Variants in CIBAR1 observed in about 807,000 individuals in gnomAD.
CIBAR1 encodes the protein CBY1-interacting BAR domain-containing protein 1.
CIBAR1 carries 25 observed loss-of-function variants against 44.0 expected under a neutral mutation model. The observed-to-expected ratio is 0.57, with a 90% confidence interval of 0.41 to 0.79. The LOEUF is 0.79. Among genes scored for constraint, CIBAR1 ranks in the 30% least tolerant of loss-of-function variants. The pLI, the probability that CIBAR1 is intolerant of heterozygous loss-of-function variation, is 0.00. For synonymous variants in CIBAR1, 115 were observed against 119.0 expected, an observed-to-expected ratio of 0.97 and a Z score of 0.22; for missense variants, 278 against 344.8, an observed-to-expected ratio of 0.81 and a Z score of 1.53.
chr8:93,729,142 A>G lies in CIBAR1; in HGVS notation c.*845A>G, dbSNP rs190501784. ...TTTTGGTAAGGAATACTTTTATTTC[A>G]TGGATCCCAGGCAGGCATATAAAAG... On this transcript the variant is annotated 3_prime_UTR_variant, in exon 9 of 9. Transcript: ENST00000518322. 8 of 152,250 alleles carry G rather than the reference A, an allele frequency of 5.3e-5. No individual in the cohort carries two copies. In the East Asian group the frequency reaches 1.5e-3, roughly 29 times the overall value. The allele number at this position is 152,250 out of a possible 1,614,324, so 9.4% of individuals were successfully genotyped here.
intron 6 of CIBAR1, among the ~76,000 whole-genome samples, chr8:93,713,361 T>C (rs946987640): frequency 2.0e-5 from 3 of 152,130 alleles, no homozygotes; most frequent in African/African-American, 7.2e-5. Context: ...CTGGATTGTC[T>C]TATTTCTGAG....
chr8:93,718,764 C>A lies in CIBAR1; in HGVS notation c.633C>A (p.Asn211Lys), dbSNP rs898669249. ...CTGCTGCCTACCAGAATATACAAAA[C>A]ATTGATGAAGATGAAGATTTAGAGG... ...VYTAAYQNIQ[N>K]IDEDEDLEVF... Residue 211 changes from asparagine (N) to lysine (K), a missense_variant, in exon 7 of 9, where the codon AAC becomes AAA. By Grantham distance (94) the Asn-to-Lys change is moderately conservative. Transcript: ENST00000518322. 2.8e-5 allele frequency: 44 copies of A among 1,557,978 alleles called. No homozygotes were observed. The highest frequency in any genetic ancestry group is 3.8e-5 in the Non-Finnish European group (44 of 1,148,094).
chr8:93,714,034 CA>C (rs1169679001), intron 6 of CIBAR1, among the ~76,000 whole-genome samples: 1 of 152,136 alleles, frequency 6.6e-6, no homozygotes, highest in Non-Finnish European at 1.5e-5. Context: ...AGGATTGTAT[CA>C]AATATGTAGA....
intron 7 of CIBAR1, among the ~76,000 whole-genome samples, chr8:93,723,223 C>T (rs1586290372): frequency 1.3e-5 from 2 of 152,204 alleles, no homozygotes; most frequent in East Asian, 3.9e-4. Context: ...GTCTCGATCT[C>T]CTGACCTCAT....
At position 93,709,725 on chromosome 8, in the gene CIBAR1, C is replaced by T. The variant is rs752494545; in HGVS notation, c.439-46C>T. 40 of 1,521,556 alleles carry T rather than the reference C, an allele frequency of 2.6e-5. No individual in the cohort carries two copies. In the Middle Eastern group the frequency reaches 1.0e-3, roughly 39 times the overall value. 94.3% of individuals were successfully genotyped at this position (1,521,556 alleles called of 1,614,324 possible). ...ACCAGTAGGCTCAATTGAATGAATT[C>T]TCATTTGATTTTTTTTATATCCTTG... On this transcript the variant is annotated intron_variant, in intron 5 of 8. Coordinates refer to ENST00000518322, the MANE Select transcript of CIBAR1 (RefSeq NM_145269.5).
At chr8:93,706,350 AC>A (rs1243642366) in intron 4 of CIBAR1, among the ~76,000 whole-genome samples, 3 of 143,142 alleles carry the variant, frequency 2.1e-5, no homozygotes, top group Non-Finnish European at 4.6e-5. Context: ...AGTCAGACAA[AC>A]CAGAGAATGC....
At position 93,728,243 on chromosome 8, in the gene CIBAR1, A is replaced by T. The variant is rs753920530; in HGVS notation, c.816A>T (p.Glu272Asp). The change falls in exon 9 of 9, where the codon GAA becomes GAT. Residue 272 changes from glutamate (E) to aspartate (D), a missense_variant. Around this residue, in one of 3 missense-constraint regions of CIBAR1, gnomAD observed 93 missense variants for 108.9 expected, o/e 0.85. Transcript: ENST00000518322. ...GACTAAGAAAGGATCAACAAGCAGA[A>T]GATGATGAGGATGACGAGTTAGATG... ...TCRLRKDQQA[E>D]DDEDDELDVT... The T allele has an allele frequency of 5.6e-5, 89 of 1,599,922 alleles. No homozygotes were observed. Among genetic ancestry groups the T allele is most frequent in the African/African-American group, 1.2e-4 (9 of 73,930 alleles).
At chr8:93,726,196 A>G (rs1811488546) in intron 7 of CIBAR1, 198 bp from the exon 8 acceptor site, 1 of 484,724 alleles carries the variant, frequency 2.1e-6, no homozygotes, top group Non-Finnish European at 3.7e-6. Flanking sequence ...ATCATCTTAC[A>G]TAGTTCAAAT....
In CIBAR1 at chr8:93,728,437, T is replaced by C; in HGVS notation, c.*140T>C. 1 of 535,414 alleles carries C rather than the reference T, an allele frequency of 1.9e-6. No homozygotes were observed. Among genetic ancestry groups the C allele is most frequent in the Non-Finnish European group, 3.2e-6 (1 of 308,110 alleles). The allele number at this position is 535,414 out of a possible 1,614,324, so 33.2% of individuals were successfully genotyped here. On this transcript the variant is annotated 3_prime_UTR_variant, in exon 9 of 9. Coordinates refer to ENST00000518322, the MANE Select transcript of CIBAR1 (RefSeq NM_145269.5). ...AAAAATAATTAAAGGAAACTTATGCTGACCAAAAATGAAGGCTTTAAAAAA... is the reference window on the plus strand; with the variant it reads ...AAAAATAATTAAAGGAAACTTATGCCGACCAAAAATGAAGGCTTTAAAAAA...
At chr8:93,712,023 A>G (rs958926084) in intron 6 of CIBAR1, among the ~76,000 whole-genome samples, 10 of 152,186 alleles carry the variant, frequency 6.6e-5, no homozygotes, top group African/African-American at 2.4e-4. Context: ...CCTAAAGAGG[A>G]AAGTCTCTTG....
chr8:93,701,871 G>A (rs1335170188), intron 2 of CIBAR1: 2 of 218,964 alleles, frequency 9.1e-6, no homozygotes, highest in Non-Finnish European at 1.8e-5. Flanking sequence ...TAATAAATGG[G>A]TAAGACATCA....
intron 5 of CIBAR1, 90 bp from the exon 6 acceptor site, chr8:93,709,681 T>C: frequency 1.0e-6 from 1 of 974,032 alleles, no homozygotes; most frequent in Non-Finnish European, 1.6e-6. Context: ...AAAAAGCCAG[T>C]ACTGCAATGG....
chr8:93,717,486 C>A (rs1393033037), intron 6 of CIBAR1, among the ~76,000 whole-genome samples: 2 of 152,134 alleles, frequency 1.3e-5, no homozygotes, highest in African/African-American at 2.4e-5. Context: ...CGTTACAAGT[C>A]TTTTTTACCT....
chr8:93,719,349 T>G (rs1421665720), intron 7 of CIBAR1, among the ~76,000 whole-genome samples: 2 of 152,228 alleles, frequency 1.3e-5, no homozygotes, highest in Admixed American at 1.3e-4. Flanking sequence ...ATACTGTGTA[T>G]CATTTTGACT....
rs1248897567 is a variant in CIBAR1, at chr8:93,708,014, C to T, written c.436C>T (p.Gln146Ter). The change falls in exon 5 of 9, where the codon CAG (glutamine) becomes TAG (stop). Residue 146 changes from glutamine (Q) to a stop codon, truncating the protein, a stop_gained and splice_region_variant. Coordinates refer to ENST00000518322, the MANE Select transcript of CIBAR1 (RefSeq NM_145269.5). LOFTEE classifies it high-confidence loss of function. Reference protein sequence around the residue: ...RNPSDRHVISQAETELQRAAM... With the variant: ...RNPSDRHVIS ...TTTCCTTTATGAAAAATTTCAGTCA[C>T]AGGTGGGTAATAAAGTGGTGTGTCA... 1.3e-6 allele frequency: 2 copies of T among 1,566,392 alleles called. No homozygotes were observed. The highest frequency in any genetic ancestry group is 1.7e-6 in the Non-Finnish European group (2 of 1,160,602).
At chr8:93,712,731 T>C (rs1220772515) in intron 6 of CIBAR1, among the ~76,000 whole-genome samples, 1 of 151,998 alleles carries the variant, frequency 6.6e-6, no homozygotes. Flanking sequence ...ATTGTAGTTC[T>C]CCTAGTGGAT....
Position 93,700,601 on chromosome 8 carries a change from C to A in CIBAR1, c.-47C>A, listed in dbSNP as rs931233747. 11 of 1,466,726 alleles carry A rather than the reference C, an allele frequency of 7.5e-6. No homozygotes were observed. The highest frequency in any genetic ancestry group is 1.3e-5 in the South Asian group (1 of 75,848). 90.9% of individuals were successfully genotyped at this position (1,466,726 alleles called of 1,614,324 possible). A position where few individuals can be genotyped will look rare whatever the true frequency, so the allele number is the denominator to read the frequency against. On this transcript the variant is annotated 5_prime_UTR_variant, in exon 1 of 9. Coordinates refer to ENST00000518322, the MANE Select transcript of CIBAR1 (RefSeq NM_145269.5). The stretch of plus-strand genomic sequence containing the variant: ...AGCGCGCGCCCAGGCGCCTTGGAAT[C>A]CCCGTCCTTGGGCCCCCGCAAGGTC...
chr8:93,711,865 A>C (rs1255961044), intron 6 of CIBAR1, among the ~76,000 whole-genome samples: 1 of 152,148 alleles, frequency 6.6e-6, no homozygotes, highest in Non-Finnish European at 1.5e-5. Context: ...CACAGTACCA[A>C]ACCCCACAGA....
chr8:93,724,402 T>C (rs981640433), intron 7 of CIBAR1: 1 of 396,346 alleles, frequency 2.5e-6, no homozygotes, highest in African/African-American at 2.1e-5. Context: ...CACAGCTCAC[T>C]GCAGCCTTGA....
Sources: allele counts gnomAD v4.1 joint callset (sites outside exome capture counted in the v4.1 genomes callset), GRCh38; gene constraint gnomAD v4.1.1; regional missense constraint gnomAD v4.1.1; transcripts MANE v1.5; gene names NCBI Gene and HGNC (gene_info 2026-07-23, HGNC 2026-07-21).